TMEM178A: variants seen among roughly 807,000 people sequenced by gnomAD.
TMEM178A encodes transmembrane protein 178.
TMEM178A carries 12 observed loss-of-function variants against 29.1 expected under a neutral mutation model. The observed-to-expected ratio is 0.41, with a 90% CI of 0.26 to 0.67. The LOEUF is 0.67. TMEM178A is among the 30% of genes least tolerant of loss of function. TMEM178A has a pLI of 0.29. For synonymous variants in TMEM178A, 210 were observed against 187.2 expected, an observed-to-expected ratio of 1.12 and a Z score of -0.99; for missense variants, 366 against 419.1, an observed-to-expected ratio of 0.87 and a Z score of 1.11.
chr2:39,666,806 T>A (rs1040165903), intron 1 of TMEM178A, among the ~76,000 whole-genome samples: 2 of 152,184 alleles, frequency 1.3e-5, no homozygotes, highest in African/African-American at 4.8e-5. Flanking sequence ...TTCCTTCAAG[T>A]TGTGCTCCTT....
intron 2 of TMEM178A, among the ~76,000 whole-genome samples, chr2:39,706,171 G>T (rs970629812): frequency 6.6e-6 from 1 of 152,188 alleles, no homozygotes; most frequent in Non-Finnish European, 1.5e-5. Context: ...GGTTTTGTCA[G>T]GCATGTGGGG....
intron 1 of TMEM178A, among the ~76,000 whole-genome samples, chr2:39,695,417 T>C (rs116240485): frequency 0.018 from 2,752 of 149,592 alleles, 75 homozygotes; most frequent in African/African-American, 0.051. Flanking sequence ...AGGCAGACTT[T>C]CTGATCTAGT....
At chr2:39,724,999 G>A in the TMEM178A span, among the ~76,000 whole-genome samples, 1 of 152,300 alleles carries the variant, frequency 6.6e-6, no homozygotes, top group African/African-American at 2.4e-5. Flanking sequence ...TAATCTGGGG[G>A]AGATGACGCA....
chr2:39,735,324 A>C, the TMEM178A span, among the ~76,000 whole-genome samples: 1 of 152,184 alleles, frequency 6.6e-6, no homozygotes, highest in Non-Finnish European at 1.5e-5. Context: ...AGGACCAAAA[A>C]TTGCCGCTGG....
At chr2:39,702,386 G>A (rs1671822421) in intron 1 of TMEM178A, among the ~76,000 whole-genome samples, 1 of 152,114 alleles carries the variant, frequency 6.6e-6, no homozygotes, top group Non-Finnish European at 1.5e-5. Flanking sequence ...TTTGTTGTGT[G>A]CATGTTGGGT....
the TMEM178A span, among the ~76,000 whole-genome samples, chr2:39,728,435 G>T: frequency 6.6e-6 from 1 of 152,098 alleles, no homozygotes; most frequent in Non-Finnish European, 1.5e-5. Flanking sequence ...TCTCCTACCA[G>T]GAGCTAGTTC....
the TMEM178A span, among the ~76,000 whole-genome samples, chr2:39,729,754 A>G: frequency 6.6e-6 from 1 of 152,244 alleles, no homozygotes; most frequent in South Asian, 2.1e-4. Context: ...GAGGGAGTTG[A>G]AAGTCATCCT....
chr2:39,711,283 G>A (rs536455308), intron 3 of TMEM178A, among the ~76,000 whole-genome samples: 1 of 152,062 alleles, frequency 6.6e-6, no homozygotes, highest in South Asian at 2.1e-4. Context: ...CTATTAGATG[G>A]GTATAATATA....
In TMEM178A at chr2:39,666,160, G is replaced by A; in HGVS notation, c.186G>A (p.Leu62=). ...ACCAGAAGAACCGCCTGATGCCGCT[G>A]TCGCACCTGCCGCTGCGGGACTCGC... ...PPDQKNRLMP[L]SHLPLRDSPP... Residue 62 remains leucine (L), a synonymous_variant, in exon 1 of 4, where the codon CTG becomes CTA. Transcript: ENST00000281961. 6.7e-7 allele frequency: 1 copy of A among 1,496,918 alleles called. No individual in the cohort carries two copies. The highest frequency in any genetic ancestry group is 8.9e-7 in the Non-Finnish European group (1 of 1,129,082). 92.7% of individuals were successfully genotyped at this position (1,496,918 alleles called of 1,614,324 possible).
chr2:39,680,754 C>CT (rs137888351), intron 1 of TMEM178A, among the ~76,000 whole-genome samples: 6,647 of 151,812 alleles, frequency 0.044, 424 homozygotes, highest in African/African-American at 0.14. Context: ...AAAAAACATG[C>CT]TTTTTTTTGT....
chr2:39,698,698 A>G (rs1199083087), intron 1 of TMEM178A, among the ~76,000 whole-genome samples: 4 of 146,232 alleles, frequency 2.7e-5, no homozygotes, highest in African/African-American at 1.0e-4. Context: ...TTCATGCTCT[A>G]TTTTTTTTTT....
chr2:39,728,668 C>T, the TMEM178A span, among the ~76,000 whole-genome samples: 4 of 152,168 alleles, frequency 2.6e-5, no homozygotes, highest in East Asian at 7.7e-4. Flanking sequence ...ATCATTAGTA[C>T]TGCTACCTCT....
At chr2:39,717,993 T>A (rs192573399), downstream of TMEM178A, 1 of 152,708 alleles carries the variant, frequency 6.5e-6, no homozygotes, top group East Asian at 1.9e-4. Flanking sequence ...GTCTTTTAGC[T>A]GTGTCAACAG....
intron 1 of TMEM178A, among the ~76,000 whole-genome samples, chr2:39,702,515 G>C (rs1235818217): frequency 2.0e-5 from 3 of 152,066 alleles, no homozygotes; most frequent in Admixed American, 2.0e-4. Context: ...TACTACATTT[G>C]TGGTCCTTTA....
At chr2:39,689,247 A>G (rs1671212542) in intron 1 of TMEM178A, among the ~76,000 whole-genome samples, 1 of 152,228 alleles carries the variant, frequency 6.6e-6, no homozygotes. Context: ...GCCTTTCTCC[A>G]GTAAGTTGCT....
At chr2:39,734,863 C>G in the TMEM178A span, among the ~76,000 whole-genome samples, 1 of 152,184 alleles carries the variant, frequency 6.6e-6, no homozygotes, top group Non-Finnish European at 1.5e-5. Flanking sequence ...TACCTCACAT[C>G]TAACACATCA....
At chr2:39,707,282 T>C in intron 3 of TMEM178A, 96 bp downstream of exon 3, 1 of 1,415,426 alleles carries the variant, frequency 7.1e-7, no homozygotes, top group Non-Finnish European at 9.4e-7. Flanking sequence ...CTGTTAATTT[T>C]GTTTTCACTG....
chr2:39,706,376 G>A (rs899061415), intron 2 of TMEM178A, among the ~76,000 whole-genome samples: 1 of 152,210 alleles, frequency 6.6e-6, no homozygotes, highest in Admixed American at 6.5e-5. Flanking sequence ...CTGAGCAGAT[G>A]TTTCAGAGGA....
the TMEM178A span, among the ~76,000 whole-genome samples, chr2:39,729,368 T>G: frequency 6.6e-6 from 1 of 152,172 alleles, no homozygotes; most frequent in African/African-American, 2.4e-5. Context: ...TGAATCCAAT[T>G]ATCATATGTC....
Sources: gnomAD v4.1 joint callset for allele counts (sites outside exome capture counted in the v4.1 genomes callset) on GRCh38, gnomAD v4.1.1 for gene constraint, MANE v1.5 for transcripts, NCBI Gene and HGNC (gene_info 2026-07-23, HGNC 2026-07-21) for gene names.